Variants in SPINT1 observed in about 807,000 individuals in gnomAD.
SPINT1 encodes kunitz-type protease inhibitor 1.
SPINT1 carries 38 observed loss-of-function variants against 53.7 expected under a neutral mutation model. The ratio of observed to expected loss-of-function variants is 0.71; its 90% CI spans 0.55 to 0.93. The LOEUF (loss-of-function observed/expected upper bound fraction) is 0.93. Among genes scored for constraint, SPINT1 ranks in the 40% least tolerant of loss-of-function variants. The pLI is 0.00. For synonymous variants in SPINT1, 283 were observed against 280.6 expected, an observed-to-expected ratio of 1.01 and a Z score of -0.08; for missense variants, 645 against 692.9, an observed-to-expected ratio of 0.93 and a Z score of 0.78.
At chr15:40,852,637 G>GTA (rs1891494913) in intron 2 of SPINT1, among the ~76,000 whole-genome samples, 2 of 151,718 alleles carry the variant, frequency 1.3e-5, no homozygotes, top group African/African-American at 4.9e-5. Context: ...CTGTGTGTGT[G>GTA]TGTGTGTGTG....
intron 2 of SPINT1, among the ~76,000 whole-genome samples, chr15:40,849,872 A>G (rs1891405733): frequency 6.6e-6 from 1 of 152,144 alleles, no homozygotes; most frequent in South Asian, 2.1e-4. Flanking sequence ...TTCTGTAAAG[A>G]TCTAAATAGA....
Position 40,854,072 on chromosome 15 carries a change from A to T in SPINT1, c.926A>T (p.Glu309Val), listed in dbSNP as rs1219498539. ...ACRGVQGPSM[E>V]RRHPVCSGTC... Reference sequence around the variant, plus strand: ...TTCTCTCTCCCAGGCCCCTCCATGGAAAGGCGCCATCCAGGTGGGCTTTAC... The same window carrying T: ...TTCTCTCTCCCAGGCCCCTCCATGGTAAGGCGCCATCCAGGTGGGCTTTAC... The change falls in exon 6 of 11, where the codon GAA becomes GTA. Residue 309 changes from glutamate to valine, a missense_variant. By Grantham distance (121) the Glu-to-Val change is moderately radical. Transcript: ENST00000562057. 6.5e-7 allele frequency: 1 copy of T among 1,545,412 alleles called. No homozygotes were observed. The highest frequency in any genetic ancestry group is 1.4e-5 in the African/African-American group (1 of 72,210).
intron 10 of SPINT1, 25 bp from the exon 11 acceptor site, chr15:40,856,745 C>CT (rs1865140408): frequency 6.2e-7 from 1 of 1,613,458 alleles, no homozygotes; most frequent in South Asian, 1.1e-5. Flanking sequence ...CTGGGAGCCC[C>CT]TTATTCTACC....
intron 2 of SPINT1, among the ~76,000 whole-genome samples, chr15:40,846,552 T>A (rs1482922207): frequency 1.3e-5 from 2 of 152,088 alleles, no homozygotes; most frequent in East Asian, 1.9e-4. Flanking sequence ...CCAAAAAAAG[T>A]CCTGTGCTGT....
chr15:40,854,386 C>CA lies in SPINT1; in HGVS notation c.941-10dup. ...CTTTGCTTGAGCCTGACCTCCCTTCCACCCGTCCAGTGTGCTCTGGCACCT... is the reference window on the plus strand; with the variant it reads ...CTTTGCTTGAGCCTGACCTCCCTTCCAACCCGTCCAGTGTGCTCTGGCACCT... On this transcript the variant is annotated splice_polypyrimidine_tract_variant and intron_variant, in intron 6 of 10. Transcript: ENST00000562057. 1 of 1,546,040 alleles carries CA rather than the reference C, an allele frequency of 6.5e-7. No homozygotes were observed. The highest frequency in any genetic ancestry group is 8.7e-7 in the Non-Finnish European group (1 of 1,149,184).
chr15:40,850,866 G>A (rs909779001), intron 2 of SPINT1, among the ~76,000 whole-genome samples: 1 of 152,206 alleles, frequency 6.6e-6, no homozygotes, highest in Non-Finnish European at 1.5e-5. Flanking sequence ...GAGTGCTCCT[G>A]CTGCCCAAGC....
At position 40,854,458 on chromosome 15, in the gene SPINT1, T is replaced by C; in HGVS notation, c.1002T>C (p.Ser334=). 6.2e-7 allele frequency: 1 copy of C among 1,613,316 alleles called. No individual in the cohort carries two copies. The highest frequency in any genetic ancestry group is 1.7e-5 in the Admixed American group (1 of 59,832). Residue 334 remains serine, a synonymous_variant, in exon 7 of 11, where the codon AGT becomes AGC. Transcript: ENST00000562057. ...GCAGCAATGGCTGCTGCATCGACAG[T>C]TTCCTGGAGTGTGACGACACCCCCA... ...FRCSNGCCID[S]FLECDDTPNC... is the part of the protein sequence containing the mutation.
rs746272116 is a variant in SPINT1 at position 40,854,643 on chromosome 15, G to A, written c.1071G>A (p.Thr357=). 5.6e-6 allele frequency: 9 copies of A among 1,614,170 alleles called. 1 individual carries two copies. The highest frequency in any genetic ancestry group is 1.1e-5 in the South Asian group (1 of 91,086). The change falls in exon 8 of 11, where the codon ACG becomes ACA. Residue 357 remains threonine, a synonymous_variant. Coordinates refer to ENST00000562057, the MANE Select transcript of SPINT1 (RefSeq NM_003710.4). The part of the protein sequence containing the change: ...ASDEAACEKY[T]SGFDELQRIH... ...TCTGACCTTTCCTCTCTGCAGACAC[G>A]AGTGGCTTTGACGAGCTCCAGCGCA...
chr15:40,850,222 G>A (rs932306531), intron 2 of SPINT1, among the ~76,000 whole-genome samples: 12 of 152,154 alleles, frequency 7.9e-5, no homozygotes, highest in African/African-American at 2.9e-4. Context: ...ACAGGCATGT[G>A]CCACCACACC....
At position 40,856,289 on chromosome 15, in the gene SPINT1, T is replaced by C; in HGVS notation, c.1302T>C (p.Phe434=). Reference sequence around the variant, plus strand: ...ATCATTCTGCAGAGAAGGATGTGTTTGGCCTGAGGCGGGAAATCCCCATTC... The same window carrying C: ...ATCATTCTGCAGAGAAGGATGTGTTCGGCCTGAGGCGGGAAATCCCCATTC... ...SCRGISKKDV[F]GLRREIPIPS... Residue 434 remains phenylalanine (F), a synonymous_variant, in exon 10 of 11, where the codon TTT becomes TTC. Coordinates refer to ENST00000562057, the MANE Select transcript of SPINT1 (RefSeq NM_003710.4). 1 of 1,614,190 alleles carries C rather than the reference T, an allele frequency of 6.2e-7. No homozygotes were observed. The highest frequency in any genetic ancestry group is 8.5e-7 in the Non-Finnish European group (1 of 1,180,030).
chr15:40,853,106 A>G lies in SPINT1; in HGVS notation c.476-18A>G. Reference sequence around the variant, plus strand: ...ATCTAGTGAGAATTGACCTTATCTCACTTTCTCTCCCCGCCAGGGTCTGGG... The same window carrying G: ...ATCTAGTGAGAATTGACCTTATCTCGCTTTCTCTCCCCGCCAGGGTCTGGG... On this transcript the variant is annotated intron_variant, in intron 2 of 10. Transcript: ENST00000562057. 3 of 1,611,850 alleles carry G rather than the reference A, an allele frequency of 1.9e-6. No individual in the cohort carries two copies. Among genetic ancestry groups the G allele is most frequent in the Admixed American group, 1.7e-5 (1 of 59,570 alleles).
chr15:40,851,240 G>A (rs1042350381), intron 2 of SPINT1, among the ~76,000 whole-genome samples: 38 of 149,588 alleles, frequency 2.5e-4, no homozygotes, highest in South Asian at 6.3e-4. Context: ...TGCACCCTCC[G>A]CCTCCCAGGT....
At position 40,857,025 on chromosome 15, in the gene SPINT1, C is replaced by G. The variant is rs1475579699; in HGVS notation, c.*50C>G. On this transcript the variant is annotated 3_prime_UTR_variant, in exon 11 of 11. Transcript: ENST00000562057. ...TGGCCCTGCTTCCTGCTTGCCAAGG[C>G]AGAGGCCTGGGCTGGGAAAAACTTT... The G allele has an allele frequency of 6.2e-7, 1 of 1,602,770 alleles. No individual in the cohort carries two copies. The highest frequency in any genetic ancestry group is 2.2e-5 in the East Asian group (1 of 44,664).
chr15:40,845,352 T>G (rs7402323), intron 2 of SPINT1, among the ~76,000 whole-genome samples: 1 of 109,106 alleles, frequency 9.2e-6, no homozygotes, highest in Admixed American at 1.0e-4. Flanking sequence ...TTTTTTTTGG[T>G]ACAGACGGGG....
intron 2 of SPINT1, among the ~76,000 whole-genome samples, chr15:40,852,923 C>G (rs1035008050): frequency 6.6e-6 from 1 of 151,648 alleles, no homozygotes; most frequent in Non-Finnish European, 1.5e-5. Context: ...AAAATATCTT[C>G]AGTATACCAA....
rs1187142658 is a variant in SPINT1 at position 40,855,982 on chromosome 15, T to C, written c.1208T>C (p.Phe403Ser). 6.2e-7 allele frequency: 1 copy of C among 1,614,214 alleles called. No homozygotes were observed. The highest frequency in any genetic ancestry group is 8.5e-7 in the Non-Finnish European group (1 of 1,180,036). Residue 403 changes from phenylalanine to serine, a missense_variant, in exon 9 of 11, where the codon TTT (phenylalanine) becomes TCT (serine). Physicochemically the swap from Phe to Ser is radical, Grantham distance 155 (BLOSUM62 -2). Coordinates refer to ENST00000562057, the MANE Select transcript of SPINT1 (RefSeq NM_003710.4). The stretch of plus-strand genomic sequence containing the variant: ...CCCTTCAGCGAACACTGCGCCCGCT[T>C]TACCTATGGTGGTTGTTACGGCAAC... ...YNPFSEHCAR[F>S]TYGGCYGNKN...
chr15:40,857,225 T>C lies in SPINT1; in HGVS notation c.*250T>C. The C allele has an allele frequency of 3.6e-6, 2 of 559,910 alleles. No individual in the cohort carries two copies. The highest frequency in any genetic ancestry group is 6.3e-6 in the Non-Finnish European group (2 of 318,932). 34.7% of individuals were successfully genotyped at this position (559,910 alleles called of 1,614,324 possible). A position where few individuals can be genotyped will look rare whatever the true frequency, so the allele number is the denominator to read the frequency against. On this transcript the variant is annotated 3_prime_UTR_variant, in exon 11 of 11. Transcript: ENST00000562057. ...CTAGATGGACCTGCCTGCATAGGAG[T>C]TTGGAGGAAGTTGGAGTTTTGTTTC...
intron 8 of SPINT1, among the ~76,000 whole-genome samples, chr15:40,855,015 A>C (rs996983884): frequency 5.9e-5 from 9 of 152,196 alleles, no homozygotes; most frequent in African/African-American, 2.2e-4. Context: ...CTTTCACATC[A>C]CTACCATAAA....
intron 2 of SPINT1, among the ~76,000 whole-genome samples, chr15:40,851,006 T>A (rs1251398935): frequency 6.6e-6 from 1 of 152,172 alleles, no homozygotes; most frequent in Non-Finnish European, 1.5e-5. Flanking sequence ...GTACTACCAG[T>A]TGTTTAATAT....
Sources: gnomAD v4.1 joint callset for allele counts (sites outside exome capture counted in the v4.1 genomes callset) on GRCh38, gnomAD v4.1.1 for gene constraint, MANE v1.5 for transcripts, NCBI Gene and HGNC (gene_info 2026-07-23, HGNC 2026-07-21) for gene names.